MTA1: variants seen among roughly 807,000 people sequenced by gnomAD.
MTA1 encodes the protein metastasis associated 1.
A neutral mutation model predicts 97.0 loss-of-function variants in MTA1; 15 were observed. That is an observed-to-expected ratio of 0.15 (90% CI 0.10 to 0.24). The LOEUF (loss-of-function observed/expected upper bound fraction) is 0.24. Ranked by LOEUF, MTA1 falls within the 10% of genes least tolerant of loss-of-function variation. The pLI is 1.00. For missense variants in MTA1, 709 were observed against 1,015.1 expected (o/e 0.70, Z 4.10); for synonymous variants, 435 against 417.5 (o/e 1.04, Z -0.51).
chr14:105,440,003 T>C (rs2082455691), intron 2 of MTA1, among the ~76,000 whole-genome samples: 1 of 152,170 alleles, frequency 6.6e-6, no homozygotes, highest in Admixed American at 6.5e-5. Flanking sequence ...TCGAGGGCCA[T>C]TCCCTGCGGT....
chr14:105,448,752 G>A (rs1441887993), intron 3 of MTA1, among the ~76,000 whole-genome samples: 1 of 152,260 alleles, frequency 6.6e-6, no homozygotes, highest in Non-Finnish European at 1.5e-5. Context: ...AGTCTTAGCT[G>A]TTGGCGCCTG....
chr14:105,437,266 TGTCCTCATGGGCATGTGCCTGCAGGTGC>T (rs1471655503), intron 1 of MTA1, among the ~76,000 whole-genome samples: 324 of 17,002 alleles, frequency 0.019, 2 homozygotes, highest in African/African-American at 0.029. Flanking sequence ...CTCACGGGTG[TGTCCTCATGGGCATGTGCCTGCAGGTGC>T]GTCCTCATGG....
rs983255655 is a variant in MTA1 at position 105,422,047 on chromosome 14, G to A, written c.28+1984G>A. 2.6e-5 allele frequency among the ~76,000 whole-genome samples: 4 copies of A among 152,232 alleles called. No individual in the cohort carries two copies. The highest frequency in any genetic ancestry group is 5.9e-5 in the Non-Finnish European group (4 of 68,030). ...TGCTGTCTGCTGGCAGCACAGCCAC[G>A]CGTGGGATCCAGACTGCTTCTGCGT... On this transcript the variant is annotated intron_variant, in intron 1 of 20. Coordinates refer to ENST00000331320, the MANE Select transcript of MTA1 (RefSeq NM_004689.4). This position sits in a 1 kb window ranked among gnomAD's most constrained non-coding sequence, Gnocchi z 4.3.
intron 1 of MTA1, among the ~76,000 whole-genome samples, chr14:105,430,103 G>A (rs2082135827): frequency 1.3e-5 from 2 of 152,152 alleles, no homozygotes; most frequent in South Asian, 4.1e-4. Flanking sequence ...TCACAACTGG[G>A]CTACCTGCTT....
intron 5 of MTA1, 37 bp from the exon 6 acceptor site, chr14:105,450,224 C>T: frequency 6.2e-7 from 1 of 1,610,354 alleles, no homozygotes; most frequent in Non-Finnish European, 8.5e-7. Flanking sequence ...CCTCGGGCTG[C>T]CCTCGCCTTT....
intron 1 of MTA1, among the ~76,000 whole-genome samples, chr14:105,423,215 A>ATTTTTTTTTTTTTTT (rs1166908446): frequency 1.8e-5 from 2 of 113,582 alleles, no homozygotes; most frequent in Non-Finnish European, 3.6e-5. Context: ...TTTTTGTTTA[A>ATTTTTTTTTTTTTTT]TTTTTTTTTT....
intron 4 of MTA1, among the ~76,000 whole-genome samples, chr14:105,449,725 C>T (rs1595361265): frequency 6.6e-6 from 1 of 152,192 alleles, no homozygotes; most frequent in East Asian, 1.9e-4. Context: ...GCCGCCGACT[C>T]CCCCGCTCCT....
intron 6 of MTA1, among the ~76,000 whole-genome samples, chr14:105,453,371 G>A (rs1213263433): frequency 3.3e-5 from 5 of 152,250 alleles, no homozygotes; most frequent in African/African-American, 4.8e-5. Flanking sequence ...CTTTGTAGCC[G>A]GGCATAGCAC....
intron 6 of MTA1, among the ~76,000 whole-genome samples, chr14:105,452,698 T>C (rs2082990778): frequency 6.6e-6 from 1 of 152,006 alleles, no homozygotes; most frequent in African/African-American, 2.4e-5. Context: ...AAATAAAAGA[T>C]CCAGGCAGAG....
intron 1 of MTA1, among the ~76,000 whole-genome samples, chr14:105,428,502 A>G (rs782618384): frequency 6.6e-6 from 1 of 152,122 alleles, no homozygotes; most frequent in Non-Finnish European, 1.5e-5. Context: ...TCCTGGGCTC[A>G]AGCGATCCTC....
At position 105,470,284 on chromosome 14, in the gene MTA1, C is replaced by T. The variant is rs2083786924; in HGVS notation, c.*69C>T. ...ACACGGCCCCTTCCCAGCCAGCCCG[C>T]CGCCCGCCCCTCAGTTTGGTAGTGC... On this transcript the variant is annotated 3_prime_UTR_variant, in exon 21 of 21. Coordinates refer to ENST00000331320, the MANE Select transcript of MTA1 (RefSeq NM_004689.4). 7.6e-7 allele frequency: 1 copy of T among 1,311,184 alleles called. No homozygotes were observed. The allele number at this position is 1,311,184 out of a possible 1,614,324, so 81.2% of individuals were successfully genotyped here.
Position 105,434,835 on chromosome 14 carries a change from A to G in MTA1, c.29-3837A>G, listed in dbSNP as rs1197902254. 2.0e-5 allele frequency among the ~76,000 whole-genome samples: 3 copies of G among 152,196 alleles called. No individual in the cohort carries two copies. The East Asian group carries it at 5.8e-4, about 29-fold the overall frequency. ...ACTTATTTTTATATATTGACCTGTG[A>G]CCTTGCAAAACTCTTACTCAGCAGT... On this transcript the variant is annotated intron_variant, in intron 1 of 20. Coordinates refer to ENST00000331320, the MANE Select transcript of MTA1 (RefSeq NM_004689.4).
At chr14:105,462,746 G>T (rs781809457) in intron 10 of MTA1, among the ~76,000 whole-genome samples, 2 of 152,076 alleles carry the variant, frequency 1.3e-5, no homozygotes, top group African/African-American at 4.8e-5. Flanking sequence ...AGAGGTGCCT[G>T]TAGTCCCAGC....
At chr14:105,469,219 C>G in intron 18 of MTA1, 1 of 610,068 alleles carries the variant, frequency 1.6e-6, no homozygotes, top group Non-Finnish European at 3.0e-6. Flanking sequence ...GTCCAAGGCT[C>G]CTGGCCTCCT....
intron 3 of MTA1, among the ~76,000 whole-genome samples, chr14:105,446,202 G>T (rs587761036): frequency 2.0e-5 from 3 of 152,296 alleles, no homozygotes; most frequent in Non-Finnish European, 4.4e-5. Context: ...AGGGCCTGCC[G>T]AGCTGGGCCC....
At chr14:105,430,966 G>A (rs1211975556) in intron 1 of MTA1, among the ~76,000 whole-genome samples, 10 of 152,162 alleles carry the variant, frequency 6.6e-5, no homozygotes, top group Non-Finnish European at 1.0e-4. Context: ...TTGTGATAGG[G>A]ACAGGAAAAA....
intron 3 of MTA1, among the ~76,000 whole-genome samples, chr14:105,446,755 T>G (rs1365253488): frequency 1.3e-5 from 2 of 152,222 alleles, no homozygotes; most frequent in African/African-American, 4.8e-5. Flanking sequence ...TGAGCTGCCC[T>G]GGGTCAGTGC....
chr14:105,465,063 C>T, intron 15 of MTA1, 31 bp from the exon 16 acceptor site: 1 of 1,483,296 alleles, frequency 6.7e-7, no homozygotes, highest in Non-Finnish European at 9.0e-7. Flanking sequence ...CTGGGGGTGC[C>T]CCACCCCTCA....
chr14:105,449,467 C>A, intron 4 of MTA1, 58 bp downstream of exon 4: 2 of 1,571,478 alleles, frequency 1.3e-6, no homozygotes, highest in Non-Finnish European at 1.7e-6. Context: ...GGGCTGGGGG[C>A]GGCAGCGCCG....
Sources: gnomAD v4.1 joint callset for allele counts (sites outside exome capture counted in the v4.1 genomes callset) on GRCh38, gnomAD v4.1.1 for gene constraint, Gnocchi (gnomAD v3.1) non-coding constraint, MANE v1.5 for transcripts, NCBI Gene and HGNC (gene_info 2026-07-23, HGNC 2026-07-21) for gene names.